ADAMTS17: variants seen among roughly 807,000 people sequenced by gnomAD.
ADAMTS17 encodes ADAM metallopeptidase with thrombospondin type 1 motif 17.
A neutral mutation model predicts 141.5 loss-of-function variants in ADAMTS17; 113 were observed. That is an observed-to-expected ratio of 0.80 (90% CI 0.69 to 0.93). ADAMTS17 has a LOEUF of 0.93. Among genes scored for constraint, ADAMTS17 ranks in the 40% least tolerant of loss-of-function variants. The probability of loss-of-function intolerance (pLI) is 0.00; values close to 1 mark genes in which losing one functional copy is unlikely to be tolerated. For synonymous variants in ADAMTS17, 768 were observed against 630.6 expected (o/e 1.22, Z -3.27); for missense variants, 1,659 against 1,517.9 (o/e 1.09, Z -1.54).
At chr15:100,183,725 T>C (rs960335378) in intron 8 of ADAMTS17, among the ~76,000 whole-genome samples, 27 of 152,104 alleles carry the variant, frequency 1.8e-4, no homozygotes, top group Admixed American at 1.4e-3. Context: ...ATATTAGGAG[T>C]CTCTTGATCC....
chr15:100,041,044 T>G (rs1431277548), intron 18 of ADAMTS17, among the ~76,000 whole-genome samples: 1 of 152,232 alleles, frequency 6.6e-6, no homozygotes, highest in Admixed American at 6.5e-5. Context: ...GGCTTCATTC[T>G]TAAGTCATGG....
chr15:100,091,602 T>G (rs1436373685), intron 15 of ADAMTS17, among the ~76,000 whole-genome samples: 1 of 152,206 alleles, frequency 6.6e-6, no homozygotes, highest in African/African-American at 2.4e-5. Flanking sequence ...TGAAGTCATT[T>G]GTGTCTGAAT....
At chr15:100,288,048 C>T (rs1023681593) in intron 3 of ADAMTS17, among the ~76,000 whole-genome samples, 1 of 152,120 alleles carries the variant, frequency 6.6e-6, no homozygotes, top group Non-Finnish European at 1.5e-5. Context: ...AGGCCCCAGT[C>T]AAAAGTCACA....
intron 3 of ADAMTS17, among the ~76,000 whole-genome samples, chr15:100,308,502 G>T (rs79612917): frequency 6.6e-6 from 1 of 152,180 alleles, no homozygotes; most frequent in Non-Finnish European, 1.5e-5. Flanking sequence ...GCTACAACTT[G>T]AACAGCTTCC....
intron 7 of ADAMTS17, among the ~76,000 whole-genome samples, chr15:100,217,501 A>G (rs2141759533): frequency 6.6e-6 from 1 of 152,270 alleles, no homozygotes; most frequent in Admixed American, 6.5e-5. Context: ...CGGGAGGCTG[A>G]GGCAGGAGAA....
intron 8 of ADAMTS17, among the ~76,000 whole-genome samples, chr15:100,172,862 T>G (rs1031081482): frequency 7.9e-5 from 12 of 152,250 alleles, no homozygotes; most frequent in African/African-American, 2.7e-4. Flanking sequence ...ACTTTTTGTC[T>G]GAATGCTAAT....
intron 18 of ADAMTS17, among the ~76,000 whole-genome samples, chr15:100,041,833 C>A (rs1011350164): frequency 1.3e-5 from 2 of 151,698 alleles, no homozygotes; most frequent in South Asian, 2.1e-4. Flanking sequence ...GTCAGGAACT[C>A]AATGGAAAAA....
At chr15:100,152,512 G>A in intron 10 of ADAMTS17, 100 bp downstream of exon 10, 1 of 1,507,662 alleles carries the variant, frequency 6.6e-7, no homozygotes, top group East Asian at 2.3e-5. Context: ...ATGTGCCTGT[G>A]CTGAGTGTGA....
intron 15 of ADAMTS17, chr15:100,074,010 T>G (rs2034184953): frequency 6.6e-6 from 1 of 152,182 alleles, no homozygotes; most frequent in African/African-American, 2.4e-5. Flanking sequence ...TTCTCTTAGG[T>G]TTTCAAGATA....
At chr15:100,103,163 G>A (rs1475190729) in intron 14 of ADAMTS17, among the ~76,000 whole-genome samples, 1 of 152,170 alleles carries the variant, frequency 6.6e-6, no homozygotes, top group Non-Finnish European at 1.5e-5. Context: ...GTTGTCATGG[G>A]AGGTTAATCA....
chr15:100,058,474 T>C (rs1047714759), intron 15 of ADAMTS17, among the ~76,000 whole-genome samples: 2 of 152,172 alleles, frequency 1.3e-5, no homozygotes, highest in East Asian at 1.9e-4. Context: ...TGACTCTGAA[T>C]GACAACCTAC....
intron 10 of ADAMTS17, among the ~76,000 whole-genome samples, chr15:100,140,373 C>G (rs893476448): frequency 6.6e-6 from 1 of 151,800 alleles, no homozygotes; most frequent in African/African-American, 2.4e-5. Flanking sequence ...TTACAATTGT[C>G]TTACAACAAA....
At chr15:100,094,651 C>G (rs1308311540) in intron 15 of ADAMTS17, among the ~76,000 whole-genome samples, 1 of 152,164 alleles carries the variant, frequency 6.6e-6, no homozygotes, top group Non-Finnish European at 1.5e-5. Context: ...GAATCACGCA[C>G]TTGTAGTCAG....
chr15:100,113,178 G>A (rs1023232356), intron 13 of ADAMTS17, among the ~76,000 whole-genome samples: 3 of 152,108 alleles, frequency 2.0e-5, no homozygotes, highest in Admixed American at 6.5e-5. Context: ...CCCATTCCTC[G>A]TCTCTTTCCT....
intron 18 of ADAMTS17, among the ~76,000 whole-genome samples, chr15:100,031,219 G>A (rs932954211): frequency 5.9e-5 from 9 of 152,170 alleles, no homozygotes; most frequent in Admixed American, 3.9e-4. Context: ...TGAAATGGAT[G>A]GAGCATTTCA....
intron 20 of ADAMTS17, among the ~76,000 whole-genome samples, chr15:99,988,255 G>C (rs900435126): frequency 6.6e-6 from 1 of 152,148 alleles, no homozygotes; most frequent in Non-Finnish European, 1.5e-5. Flanking sequence ...CCTCAGGAAT[G>C]CCTTGATGTC....
At chr15:100,085,970 T>C (rs555231672) in intron 15 of ADAMTS17, among the ~76,000 whole-genome samples, 1,877 of 151,420 alleles carry the variant, frequency 0.012, 39 homozygotes, top group African/African-American at 0.042. Flanking sequence ...AATATCATAA[T>C]GACAGGATCA....
At chr15:100,285,896 G>A (rs1373971036) in intron 3 of ADAMTS17, among the ~76,000 whole-genome samples, 2 of 152,244 alleles carry the variant, frequency 1.3e-5, no homozygotes, top group South Asian at 2.1e-4. Context: ...CACAGACCAG[G>A]GTGGTCTTGC....
At chr15:100,092,384 C>A (rs188854593) in intron 15 of ADAMTS17, among the ~76,000 whole-genome samples, 26 of 152,322 alleles carry the variant, frequency 1.7e-4, no homozygotes, top group Non-Finnish European at 3.2e-4. Context: ...AAGAGCCACA[C>A]CAAGCATGTC....
Sources: allele counts gnomAD v4.1 joint callset (sites outside exome capture counted in the v4.1 genomes callset), GRCh38; gene constraint gnomAD v4.1.1; transcripts MANE v1.5; gene names NCBI Gene and HGNC (gene_info 2026-07-23, HGNC 2026-07-21).